Variants in DOCK4 observed in about 807,000 individuals in gnomAD.
The protein encoded by DOCK4 is dedicator of cytokinesis protein 4.
DOCK4 carries 97 observed loss-of-function variants against 268.1 expected under a neutral mutation model. The ratio of observed to expected loss-of-function variants is 0.36; its 90% confidence interval spans 0.31 to 0.43. DOCK4 has a LOEUF of 0.43. Among genes scored for constraint, DOCK4 ranks in the 20% least tolerant of loss-of-function variants. DOCK4 has a pLI of 1.00. For missense variants in DOCK4, 2,145 were observed against 2,455.7 expected (o/e 0.87, Z 2.67); for synonymous variants, 954 against 887.2 (o/e 1.08, Z -1.34).
chr7:111,843,487 A>G (rs553936097), intron 25 of DOCK4, among the ~76,000 whole-genome samples: 1 of 152,342 alleles, frequency 6.6e-6, no homozygotes, highest in South Asian at 2.1e-4. Context: ...ATCATTAGTC[A>G]TTAGGGACAT....
intron 12 of DOCK4, among the ~76,000 whole-genome samples, chr7:111,921,444 A>G (rs2134583322): frequency 6.6e-6 from 1 of 152,358 alleles, no homozygotes; most frequent in South Asian, 2.1e-4. Context: ...AAAAATGGAA[A>G]GCATAGCATG....
intron 19 of DOCK4, 80 bp from the exon 20 acceptor site, chr7:111,872,170 A>G: frequency 7.2e-7 from 1 of 1,381,002 alleles, no homozygotes. Context: ...TTTAAAATGA[A>G]CTCTTACATT....
intron 1 of DOCK4, among the ~76,000 whole-genome samples, chr7:112,036,611 T>C (rs933622634): frequency 6.6e-6 from 1 of 151,536 alleles, no homozygotes; most frequent in Non-Finnish European, 1.5e-5. Flanking sequence ...TTCTGACAAA[T>C]ATATATACAG....
chr7:111,884,391 T>C (rs933112690), intron 16 of DOCK4, among the ~76,000 whole-genome samples: 5 of 152,230 alleles, frequency 3.3e-5, no homozygotes, highest in African/African-American at 1.2e-4. Flanking sequence ...AGTCAGAATT[T>C]GAACCAAAAT....
intron 1 of DOCK4, among the ~76,000 whole-genome samples, chr7:112,007,615 G>C (rs1800963633): frequency 6.6e-6 from 1 of 152,034 alleles, no homozygotes; most frequent in Admixed American, 6.6e-5. Flanking sequence ...AAATGTTTAG[G>C]CTTCAGGTTA....
At chr7:112,079,678 T>C (rs2135711435) in intron 1 of DOCK4, among the ~76,000 whole-genome samples, 1 of 152,228 alleles carries the variant, frequency 6.6e-6, no homozygotes, top group Non-Finnish European at 1.5e-5. Flanking sequence ...AGAGATGTGG[T>C]TATGGTTAAG....
chr7:111,898,406 A>G (rs543935577), intron 15 of DOCK4, among the ~76,000 whole-genome samples: 183 of 152,358 alleles, frequency 1.2e-3, no homozygotes, highest in African/African-American at 4.3e-3. Context: ...GCAACACAGT[A>G]CCATCACTTT....
At chr7:111,858,825 CCCTT>C (rs964848497) in intron 23 of DOCK4, among the ~76,000 whole-genome samples, 2 of 151,936 alleles carry the variant, frequency 1.3e-5, no homozygotes, top group South Asian at 2.1e-4. Context: ...TTCCTTCCCT[CCCTT>C]CCTTCCTTCC....
At chr7:111,736,827 G>T in intron 50 of DOCK4, 90 bp downstream of exon 50, 4 of 1,190,252 alleles carry the variant, frequency 3.4e-6, no homozygotes, top group Non-Finnish European at 3.7e-6. Context: ...CTAGAGCACT[G>T]CTTTCCACAC....
At chr7:111,886,367 G>A (rs1443854991) in intron 16 of DOCK4, among the ~76,000 whole-genome samples, 6 of 152,148 alleles carry the variant, frequency 3.9e-5, no homozygotes, top group African/African-American at 1.4e-4. Context: ...CAGCCTTCCA[G>A]TTTAGCATTA....
intron 1 of DOCK4, among the ~76,000 whole-genome samples, chr7:112,089,574 A>G (rs928753250): frequency 3.3e-5 from 5 of 152,150 alleles, no homozygotes; most frequent in Admixed American, 3.3e-4. Context: ...GGTGTTTGAT[A>G]TGGTTTGGAT....
intron 12 of DOCK4, among the ~76,000 whole-genome samples, chr7:111,921,494 A>G (rs1413237799): frequency 6.6e-6 from 1 of 152,222 alleles, no homozygotes; most frequent in Non-Finnish European, 1.5e-5. Flanking sequence ...TACATCAGCC[A>G]TTTTGCCACT....
At chr7:112,054,810 G>A (rs1004586350) in intron 1 of DOCK4, among the ~76,000 whole-genome samples, 2 of 152,098 alleles carry the variant, frequency 1.3e-5, no homozygotes, top group African/African-American at 4.8e-5. Flanking sequence ...TATTTTCAAA[G>A]CCCTTTGTAC....
chr7:111,840,833 C>T (rs772793053), intron 25 of DOCK4: 5 of 1,350,816 alleles, frequency 3.7e-6, no homozygotes, highest in African/African-American at 1.5e-5. Context: ...CAATGTAGTA[C>T]TGCCATGTGA....
At chr7:112,024,233 G>A (rs1431603235) in intron 1 of DOCK4, among the ~76,000 whole-genome samples, 1 of 152,226 alleles carries the variant, frequency 6.6e-6, no homozygotes, top group East Asian at 1.9e-4. Context: ...CACGGGGCCT[G>A]TCTCAGCCTC....
At chr7:111,938,319 A>G (rs1242018308) in intron 11 of DOCK4, among the ~76,000 whole-genome samples, 1 of 152,250 alleles carries the variant, frequency 6.6e-6, no homozygotes, top group Non-Finnish European at 1.5e-5. Context: ...AGCAGAGGTC[A>G]AAAAGGCAAT....
chr7:111,817,646 C>T (rs1346946085), intron 27 of DOCK4, among the ~76,000 whole-genome samples: 1 of 152,176 alleles, frequency 6.6e-6, no homozygotes, highest in Non-Finnish European at 1.5e-5. Context: ...GCATGCAATC[C>T]TATCCCTGCT....
rs2078985 is a variant in DOCK4, at chr7:111,778,406, A to G, written c.3586-37T>C. 5,396 of 1,363,722 alleles carry G rather than the reference A, an allele frequency of 4.0e-3. 181 individuals are homozygous for G. The African/African-American group carries it at 0.068, about 17-fold the overall frequency. The allele number at this position is 1,363,722 out of a possible 1,614,324, so 84.5% of individuals were successfully genotyped here. A position where few individuals can be genotyped will look rare whatever the true frequency, so the allele number is the denominator to read the frequency against. On this transcript the variant is annotated intron_variant, in intron 35 of 52. Transcript: ENST00000428084. ...GAGTACAGGTATGGATAGTTCCTCAACAATCTGGCCTACAATTATCTGCCT... is the reference window on the plus strand; with the variant it reads ...GAGTACAGGTATGGATAGTTCCTCAGCAATCTGGCCTACAATTATCTGCCT...
At chr7:111,733,731 ACTGC>A (rs1035114200) in intron 51 of DOCK4, among the ~76,000 whole-genome samples, 3 of 152,160 alleles carry the variant, frequency 2.0e-5, no homozygotes. Flanking sequence ...TAAATTGGAG[ACTGC>A]CTGAATATAT....
Sources: allele counts gnomAD v4.1 joint callset (sites outside exome capture counted in the v4.1 genomes callset), GRCh38; gene constraint gnomAD v4.1.1; transcripts MANE v1.5; gene names NCBI Gene and HGNC (gene_info 2026-07-23, HGNC 2026-07-21).